Variants in C3orf70 observed in about 807,000 individuals in gnomAD.
C3orf70 encodes UPF0524 protein C3orf70.
Under a neutral mutation model 20.7 loss-of-function variants are expected in C3orf70, and 15 were observed. That is an observed-to-expected ratio of 0.72 (90% CI 0.48 to 1.11). The LOEUF is 1.11. Ranked by LOEUF, C3orf70 falls within the 50% of genes most tolerant of loss-of-function variation. C3orf70 has a pLI of 0.00. For missense variants in C3orf70, 332 were observed against 317.6 expected, an observed-to-expected ratio of 1.05 and a Z score of -0.34; for synonymous variants, 161 against 125.7, an observed-to-expected ratio of 1.28 and a Z score of -1.88.
intron 1 of C3orf70, among the ~76,000 whole-genome samples, chr3:185,141,801 A>AACACACACAC (rs66562532): frequency 0.014 from 2,042 of 146,424 alleles, 47 homozygotes; most frequent in African/African-American, 0.049. Context: ...ATGCAAAGGA[A>AACACACACAC]ACACACACAC....
In C3orf70 at chr3:185,152,845, C is replaced by A. The variant is rs760316584; in HGVS notation, c.-22G>T. 1 of 1,503,370 alleles carries A rather than the reference C, an allele frequency of 6.7e-7. No individual in the cohort carries two copies. The highest frequency in any genetic ancestry group is 1.3e-5 in the South Asian group (1 of 78,516). The allele number at this position is 1,503,370 out of a possible 1,614,324, so 93.1% of individuals were successfully genotyped here. On this transcript the variant is annotated 5_prime_UTR_variant, in exon 1 of 2. Coordinates refer to ENST00000335012, the MANE Select transcript of C3orf70 (RefSeq NM_001025266.3). ...TCATTTCCTCTCCCTCCGCGCGGAG[C>A]CGACACCGGGAGCCCGGGAGAAGCG...
intron 1 of C3orf70, among the ~76,000 whole-genome samples, chr3:185,127,776 C>T (rs1481099032): frequency 6.6e-6 from 1 of 151,896 alleles, no homozygotes; most frequent in Non-Finnish European, 1.5e-5. Context: ...AAACCGACTC[C>T]CTCAAAAAGA....
At chr3:185,091,391 G>T (rs115123876) in intron 1 of C3orf70, among the ~76,000 whole-genome samples, 1 of 152,140 alleles carries the variant, frequency 6.6e-6, no homozygotes, top group Non-Finnish European at 1.5e-5. Context: ...AAGCCAAGGG[G>T]TTCAGATTTG....
chr3:185,121,536 A>G (rs1457832491), intron 1 of C3orf70, among the ~76,000 whole-genome samples: 1 of 152,188 alleles, frequency 6.6e-6, no homozygotes, highest in African/African-American at 2.4e-5. Flanking sequence ...GCCACAGGGT[A>G]TGAGAACACT....
At chr3:185,129,322 G>A (rs935552225) in intron 1 of C3orf70, among the ~76,000 whole-genome samples, 5 of 152,138 alleles carry the variant, frequency 3.3e-5, no homozygotes, top group African/African-American at 9.7e-5. Flanking sequence ...GAGAACATGC[G>A]CTATTTGGTT....
chr3:185,096,990 T>C (rs541014403), intron 1 of C3orf70, among the ~76,000 whole-genome samples: 1 of 152,282 alleles, frequency 6.6e-6, no homozygotes, highest in South Asian at 2.1e-4. Flanking sequence ...CCACTTTGTC[T>C]TTCCTTGGGT....
intron 1 of C3orf70, among the ~76,000 whole-genome samples, chr3:185,117,190 G>T (rs1716192890): frequency 6.6e-6 from 1 of 152,026 alleles, no homozygotes. Context: ...CAGCAACCTT[G>T]TCAATAAAAA....
rs75359160 is a variant in C3orf70, at chr3:185,134,039, T to C, written c.196+18589A>G. Among the ~76,000 whole-genome samples, 1,316 of 145,344 alleles carry C rather than the reference T, an allele frequency of 9.1e-3. 54 individuals are homozygous for C. Among genetic ancestry groups the C allele is most frequent in the East Asian group, 0.083 (426 of 5,130 alleles). On this transcript the variant is annotated intron_variant, in intron 1 of 1. Transcript: ENST00000335012. ...AGGAGTTCAAGGCTGCAGTGAGCTATGATTGTGCCACTGCACACTCCAGCC... is the reference window on the plus strand; with the variant it reads ...AGGAGTTCAAGGCTGCAGTGAGCTACGATTGTGCCACTGCACACTCCAGCC...
rs1471648353 is a variant in C3orf70, at chr3:185,080,726, G to C, written c.*2281C>G. On this transcript the variant is annotated 3_prime_UTR_variant, in exon 2 of 2. Coordinates refer to ENST00000335012, the MANE Select transcript of C3orf70 (RefSeq NM_001025266.3). Reference sequence around the variant, plus strand: ...ATGCACGGGAGGCACCGAGAACCTCGGGCAGGGTTCATCAGATGTCCCTGT... The same window carrying C: ...ATGCACGGGAGGCACCGAGAACCTCCGGCAGGGTTCATCAGATGTCCCTGT... 1.3e-5 allele frequency: 2 copies of C among 152,026 alleles called. No homozygotes were observed. The highest frequency in any genetic ancestry group is 6.6e-5 in the Admixed American group (1 of 15,260). The allele number at this position is 152,026 out of a possible 1,614,324, so 9.4% of individuals were successfully genotyped here. A position where few individuals can be genotyped will look rare whatever the true frequency, so the allele number is the denominator to read the frequency against.
chr3:185,140,663 C>T (rs1003631502), intron 1 of C3orf70, among the ~76,000 whole-genome samples: 3 of 151,466 alleles, frequency 2.0e-5, no homozygotes, highest in East Asian at 1.9e-4. Context: ...ATAAAAAAGA[C>T]GCCAGGGCCA....
chr3:185,143,928 A>G lies in C3orf70; in HGVS notation c.196+8700T>C, dbSNP rs115068789. On this transcript the variant is annotated intron_variant, in intron 1 of 1. Transcript: ENST00000335012. Reference sequence around the variant, plus strand: ...GTCCATTGCTTAACAATGGAGGAAAACAGGATGAAGCTGGGGAGTAAGAAT... The same window carrying G: ...GTCCATTGCTTAACAATGGAGGAAAGCAGGATGAAGCTGGGGAGTAAGAAT... Among the ~76,000 whole-genome samples the G allele has an allele frequency of 3.6e-3, 543 of 152,138 alleles. 2 individuals are homozygous for G. Among genetic ancestry groups the G allele is most frequent in the African/African-American group, 0.013 (533 of 41,486 alleles).
In C3orf70 at chr3:185,077,247, G is replaced by A. The variant is rs140822280; in HGVS notation, c.*5760C>T. Among the ~76,000 whole-genome samples the A allele has an allele frequency of 9.2e-5, 14 of 152,280 alleles. No individual in the cohort carries two copies. In the East Asian group the frequency reaches 2.7e-3, roughly 29 times the overall value. Reference sequence around the variant, plus strand: ...TGAGGTAGACGAGGCACTAGTCTGTGGGAAGGTATCTGCTGGGTTAGGGGG... The same window carrying A: ...TGAGGTAGACGAGGCACTAGTCTGTAGGAAGGTATCTGCTGGGTTAGGGGG... On this transcript the variant is annotated 3_prime_UTR_variant, in exon 2 of 2. Transcript: ENST00000335012.
rs192379144 is a variant in C3orf70, at chr3:185,105,117, A to C, written c.197-21554T>G. ...CAGAACTGACACAAATGTTAAAATT[A>C]GCAAATATACTAAAACAATGACTAC... On this transcript the variant is annotated intron_variant, in intron 1 of 1. Transcript: ENST00000335012. Among the ~76,000 whole-genome samples the C allele has an allele frequency of 2.1e-3, 321 of 152,390 alleles. 1 individual carries two copies. The highest frequency in any genetic ancestry group is 3.1e-3 in the Admixed American group (48 of 15,310).
chr3:185,143,537 T>C (rs1408393752), intron 1 of C3orf70, among the ~76,000 whole-genome samples: 2 of 152,152 alleles, frequency 1.3e-5, no homozygotes, highest in Admixed American at 1.3e-4. Context: ...TTATACATTG[T>C]TGGCACTCCA....
chr3:185,094,074 G>GTTTTTTTTTTTTTTTTTTTTTTTT (rs71162282), intron 1 of C3orf70, among the ~76,000 whole-genome samples: 1 of 80,642 alleles, frequency 1.2e-5, no homozygotes, highest in Non-Finnish European at 2.2e-5. Context: ...ATACCCTGGG[G>GTTTTTTTTTTTTTTTTTTTTTTTT]TTTTTTTTTT....
At position 185,085,407 on chromosome 3, in the gene C3orf70, A is replaced by G. The variant is rs371543001; in HGVS notation, c.197-1844T>C. On this transcript the variant is annotated intron_variant, in intron 1 of 1. Transcript: ENST00000335012. The stretch of plus-strand genomic sequence containing the variant: ...TTTTTGTTTTTTGACTCCTGCACAA[A>G]AAAGCCACTCAGGTACCACAATTTC... 6.6e-5 allele frequency among the ~76,000 whole-genome samples: 10 copies of G among 152,310 alleles called. No individual in the cohort carries two copies. The East Asian group carries it at 7.7e-4, about 12-fold the overall frequency.
intron 1 of C3orf70, among the ~76,000 whole-genome samples, chr3:185,105,215 GC>G (rs1715908105): frequency 6.6e-6 from 1 of 152,196 alleles, no homozygotes; most frequent in Non-Finnish European, 1.5e-5. Context: ...TTGGGAGCAG[GC>G]CCCCCAAAAT....
At chr3:185,112,935 T>C (rs924789624) in intron 1 of C3orf70, among the ~76,000 whole-genome samples, 3 of 152,156 alleles carry the variant, frequency 2.0e-5, no homozygotes, top group Non-Finnish European at 4.4e-5. Flanking sequence ...ATAATGCAAG[T>C]TCAGTAAAAG....
At position 185,098,258 on chromosome 3, in the gene C3orf70, C is replaced by T. The variant is rs573265632; in HGVS notation, c.197-14695G>A. Among the ~76,000 whole-genome samples the T allele has an allele frequency of 3.1e-4, 47 of 152,334 alleles. 1 individual carries two copies. The highest frequency in any genetic ancestry group is 6.0e-4 in the Non-Finnish European group (41 of 68,040). ...ATGGCTGGCTCAAAGAGGTCCCCAGCTGTTCTTAACCTATACTAATAGATA... is the reference window on the plus strand; with the variant it reads ...ATGGCTGGCTCAAAGAGGTCCCCAGTTGTTCTTAACCTATACTAATAGATA... On this transcript the variant is annotated intron_variant, in intron 1 of 1. Transcript: ENST00000335012.
Sources: gnomAD v4.1 joint callset for allele counts (sites outside exome capture counted in the v4.1 genomes callset) on GRCh38, gnomAD v4.1.1 for gene constraint, MANE v1.5 for transcripts, NCBI Gene and HGNC (gene_info 2026-07-23, HGNC 2026-07-21) for gene names.